The following PARD3B variants were observed in gnomAD, a reference collection of about 807,000 sequenced individuals.
PARD3B encodes the protein par-3 family cell polarity regulator beta, also known as partitioning defective 3 homolog B.
A neutral mutation model predicts 130.2 loss-of-function variants in PARD3B; 103 were observed. The ratio of observed to expected loss-of-function variants is 0.79; its 90% CI spans 0.67 to 0.93. The LOEUF (loss-of-function observed/expected upper bound fraction) is 0.93, where lower values mean the gene tolerates loss of function less well. Among genes scored for constraint, PARD3B ranks in the 40% least tolerant of loss-of-function variants. The probability of loss-of-function intolerance (pLI) is 0.00; values close to 1 mark genes in which losing one functional copy is unlikely to be tolerated. For missense variants in PARD3B, 1,609 were observed against 1,499.2 expected, an observed-to-expected ratio of 1.07 and a Z score of -1.21; for synonymous variants, 583 against 553.2, an observed-to-expected ratio of 1.05 and a Z score of -0.76.
At chr2:204,566,264 A>C (rs138139618) in intron 1 of PARD3B, among the ~76,000 whole-genome samples, 32 of 152,364 alleles carry the variant, frequency 2.1e-4, no homozygotes, top group African/African-American at 6.3e-4. Flanking sequence ...TGTAAGGCAA[A>C]GGTACAGCTC....
intron 15 of PARD3B, among the ~76,000 whole-genome samples, chr2:205,238,849 A>AAAATATATATAT (rs1273582854): frequency 1.2e-4 from 9 of 76,904 alleles, no homozygotes; most frequent in East Asian, 1.1e-3. Flanking sequence ...AAAAAAAAAA[A>AAAATATATATAT]ATATATATAT....
At chr2:204,871,681 G>A (rs1230314170) in intron 2 of PARD3B, among the ~76,000 whole-genome samples, 1 of 152,014 alleles carries the variant, frequency 6.6e-6, no homozygotes, top group Non-Finnish European at 1.5e-5. Flanking sequence ...CAAACTCACT[G>A]CTTGCATAAT....
Position 204,835,717 on chromosome 2 carries a change from C to T in PARD3B, c.223-129435C>T, listed in dbSNP as rs113888220. 6.8e-3 allele frequency among the ~76,000 whole-genome samples: 1,030 copies of T among 152,330 alleles called. 8 individuals are homozygous for T. The highest frequency in any genetic ancestry group is 0.041 in the Middle Eastern group (12 of 294). ...AGCAGTACCTATTCAGTAGAAACCA[C>T]ACTTCCAGATTTGAATTTTCATCTT... On this transcript the variant is annotated intron_variant, in intron 2 of 22. Coordinates refer to ENST00000406610, the MANE Select transcript of PARD3B (RefSeq NM_001302769.2).
chr2:205,193,118 T>G, intron 14 of PARD3B, 87 bp from the exon 15 acceptor site: 1 of 850,052 alleles, frequency 1.2e-6, no homozygotes, highest in East Asian at 2.5e-5. Flanking sequence ...GAGTGATGAG[T>G]GGCTGTGTTC....
chr2:205,001,723 G>T (rs1694845929), intron 3 of PARD3B, among the ~76,000 whole-genome samples: 1 of 152,190 alleles, frequency 6.6e-6, no homozygotes, highest in Admixed American at 6.5e-5. Flanking sequence ...CCTCCCATGT[G>T]CCAGGTGGCA....
rs147405042 is a variant in PARD3B, at chr2:204,899,949, C to T, written c.223-65203C>T. Among the ~76,000 whole-genome samples the T allele has an allele frequency of 2.0e-3, 301 of 152,058 alleles. 5 individuals are homozygous for T. In the East Asian group the frequency reaches 0.04, roughly 20 times the overall value. On this transcript the variant is annotated intron_variant, in intron 2 of 22. Coordinates refer to ENST00000406610, the MANE Select transcript of PARD3B (RefSeq NM_001302769.2). ...ACATGTCTTGCCACTCTCTCCCGAC[C>T]TATCAGGTTTCCACTGAGAAGTCTA...
chr2:204,750,972 A>G (rs1258140634), intron 2 of PARD3B, among the ~76,000 whole-genome samples: 1 of 152,120 alleles, frequency 6.6e-6, no homozygotes, highest in African/African-American at 2.4e-5. Flanking sequence ...AGCTTATACT[A>G]TTTTTTGAAG....
chr2:204,858,182 G>C (rs928639379), intron 2 of PARD3B, among the ~76,000 whole-genome samples: 1 of 151,944 alleles, frequency 6.6e-6, no homozygotes, highest in South Asian at 2.1e-4. Flanking sequence ...TATCAAATAC[G>C]TTAATACTAT....
chr2:205,031,170 C>T (rs1175043790), intron 3 of PARD3B, among the ~76,000 whole-genome samples: 1 of 152,128 alleles, frequency 6.6e-6, no homozygotes, highest in Non-Finnish European at 1.5e-5. Flanking sequence ...AAAGGTTCAG[C>T]AATGTCACTG....
chr2:204,949,105 G>T (rs544011647), intron 2 of PARD3B, among the ~76,000 whole-genome samples: 3 of 152,156 alleles, frequency 2.0e-5, no homozygotes, highest in Non-Finnish European at 4.4e-5. Flanking sequence ...ATTGAAAACA[G>T]ATTACATTTG....
intron 2 of PARD3B, among the ~76,000 whole-genome samples, chr2:204,840,580 A>G (rs1022703960): frequency 9.2e-5 from 14 of 151,784 alleles, no homozygotes; most frequent in Non-Finnish European, 1.9e-4. Context: ...TCAACTCTCC[A>G]TAGAACTGGA....
In PARD3B at chr2:204,686,271, G is replaced by T; in HGVS notation, c.211G>T (p.Asp71Tyr). 1.2e-6 allele frequency: 2 copies of T among 1,607,428 alleles called. No homozygotes were observed. ...TGATGTCTTGGCAGATGTTGTTGAA[G>T]ATAAAGACAAGGTAGATAACTCTAA... The part of the protein sequence containing the change: ...PDDVLADVVE[D>Y]KDKLIAVFEE... Residue 71 changes from aspartate (D) to tyrosine (Y), a missense_variant, in exon 2 of 23, where the codon GAT (aspartate) becomes TAT (tyrosine). Asp to Tyr is a radical substitution (Grantham distance 160). Coordinates refer to ENST00000406610, the MANE Select transcript of PARD3B (RefSeq NM_001302769.2).
intron 2 of PARD3B, among the ~76,000 whole-genome samples, chr2:204,743,249 A>AT (rs915752146): frequency 9.2e-5 from 14 of 151,716 alleles, no homozygotes; most frequent in East Asian, 1.9e-4. Flanking sequence ...CAGAAGGGTG[A>AT]TTTTTTTTCT....
chr2:204,624,211 A>G (rs2034403110), intron 1 of PARD3B, among the ~76,000 whole-genome samples: 2 of 152,196 alleles, frequency 1.3e-5, no homozygotes, highest in Non-Finnish European at 2.9e-5. Context: ...ACTTGAATAG[A>G]TATTTCTCCA....
chr2:204,952,864 G>A (rs56655570), intron 2 of PARD3B, among the ~76,000 whole-genome samples: 17,863 of 151,818 alleles, frequency 0.12, 1,281 homozygotes, highest in African/African-American at 0.2. Context: ...GGGTGTGGTG[G>A]TGGGCGCTTG....
At chr2:205,282,132 A>G (rs2041214168) in intron 16 of PARD3B, among the ~76,000 whole-genome samples, 2 of 152,226 alleles carry the variant, frequency 1.3e-5, no homozygotes, top group African/African-American at 4.8e-5. Flanking sequence ...GAAAAATCCA[A>G]GATATAAAAG....
rs1467242447 is a variant in PARD3B, at chr2:204,913,131, C to T, written c.223-52021C>T. Among the ~76,000 whole-genome samples the T allele has an allele frequency of 2.6e-5, 4 of 152,316 alleles. No individual in the cohort carries two copies. The South Asian group carries it at 6.2e-4, about 24-fold the overall frequency. On this transcript the variant is annotated intron_variant, in intron 2 of 22. Transcript: ENST00000406610. ...ACAGGAGACACTTTACCTCACTAAT[C>T]CCCAAATTCTATGTTTAACCATTGT...
At chr2:204,563,359 CTG>C (rs1357445592) in intron 1 of PARD3B, among the ~76,000 whole-genome samples, 1 of 147,492 alleles carries the variant, frequency 6.8e-6, no homozygotes, top group East Asian at 2.1e-4. Flanking sequence ...TGTAAAGACT[CTG>C]TTTCTAAATA....
At chr2:205,028,987 T>C (rs2125355103) in intron 3 of PARD3B, among the ~76,000 whole-genome samples, 1 of 151,640 alleles carries the variant, frequency 6.6e-6, no homozygotes, top group South Asian at 2.1e-4. Context: ...AGATCTTGGT[T>C]AGAGTTTATT....
Sources: allele counts gnomAD v4.1 joint callset (sites outside exome capture counted in the v4.1 genomes callset), GRCh38; gene constraint gnomAD v4.1.1; transcripts MANE v1.5; gene names NCBI Gene and HGNC (gene_info 2026-07-23, HGNC 2026-07-21).